The following DNAH8 variants were observed in gnomAD, a reference collection of about 807,000 sequenced individuals.
DNAH8 encodes dynein axonemal heavy chain 8, also known as axonemal beta dynein heavy chain 8.
In DNAH8, 382 loss-of-function variants were observed where a neutral mutation model predicts 562.1. That is an observed-to-expected ratio of 0.68 (90% CI 0.63 to 0.74). DNAH8 has a LOEUF of 0.74. DNAH8 is among the 30% of genes least tolerant of loss of function. The pLI, the probability that DNAH8 is intolerant of heterozygous loss-of-function variation, is 0.00. For missense variants in DNAH8, 5,203 were observed against 5,620.4 expected (o/e 0.93, Z 2.37); for synonymous variants, 1,881 against 1,919.4 (o/e 0.98, Z 0.52).
At chr6:38,867,480 C>T (rs1777128091) in intron 47 of DNAH8, among the ~76,000 whole-genome samples, 2 of 151,864 alleles carry the variant, frequency 1.3e-5, no homozygotes, top group Non-Finnish European at 2.9e-5. Context: ...TGCCGTGGCT[C>T]ACGTCTGTAA....
intron 70 of DNAH8, among the ~76,000 whole-genome samples, chr6:38,921,123 A>C (rs112026719): frequency 2.6e-5 from 4 of 152,126 alleles, no homozygotes; most frequent in African/African-American, 7.2e-5. Context: ...AACTGGGCTC[A>C]AGTGATCCTC....
chr6:38,972,905 G>A (rs1266670664), intron 83 of DNAH8, among the ~76,000 whole-genome samples: 1 of 152,134 alleles, frequency 6.6e-6, no homozygotes, highest in Admixed American at 6.5e-5. Flanking sequence ...AGTTAAGCCG[G>A]TGTGAGTTGT....
intron 92 of DNAH8, among the ~76,000 whole-genome samples, chr6:39,029,427 A>G (rs1767521586): frequency 6.6e-6 from 1 of 152,220 alleles, no homozygotes; most frequent in Non-Finnish European, 1.5e-5. Context: ...GGGCACCACC[A>G]GTAACAAGTG....
At chr6:38,771,896 G>A (rs902940030) in intron 12 of DNAH8, among the ~76,000 whole-genome samples, 2 of 152,190 alleles carry the variant, frequency 1.3e-5, no homozygotes, top group South Asian at 4.2e-4. Flanking sequence ...TTTCTCTTGG[G>A]TATATGTGCA....
intron 21 of DNAH8, among the ~76,000 whole-genome samples, chr6:38,801,056 T>C (rs1759631007): frequency 1.3e-5 from 2 of 152,198 alleles, no homozygotes; most frequent in Admixed American, 6.5e-5. Flanking sequence ...TTTGATGAAG[T>C]CTAATTTATC....
At chr6:38,807,371 A>G (rs564872706) in intron 23 of DNAH8, among the ~76,000 whole-genome samples, 2 of 152,332 alleles carry the variant, frequency 1.3e-5, no homozygotes, top group Non-Finnish European at 2.9e-5. Flanking sequence ...TGGTTTTTGA[A>G]TAAGTCCCTC....
rs142674094 is a variant in DNAH8, at chr6:38,896,054, G to T, written c.8769G>T (p.Glu2923Asp). 1.9e-6 allele frequency: 3 copies of T among 1,612,312 alleles called. No homozygotes were observed. The highest frequency in any genetic ancestry group is 1.3e-5 in the African/African-American group (1 of 74,842). Residue 2923 changes from glutamate (E) to aspartate (D), a missense_variant, in exon 60 of 93, where the codon GAG (glutamate) becomes GAT (aspartate). Coordinates refer to ENST00000327475, the MANE Select transcript of DNAH8 (RefSeq NM_001206927.2). ...IADRFITPED[E>D]QWFNAHLTRA... ...TCAGATTTATAACTCCTGAAGATGA[G>T]CAGTGGTTTAATGCACATCTTACTC...
intron 81 of DNAH8, among the ~76,000 whole-genome samples, chr6:38,950,729 G>A (rs961941235): frequency 3.3e-5 from 5 of 151,848 alleles, no homozygotes; most frequent in African/African-American, 1.2e-4. Flanking sequence ...ATGAGCCACC[G>A]TGCCTGGCCA....
At chr6:38,932,215 C>CACACACACACACACACACACACAT (rs1199457741) in intron 76 of DNAH8, among the ~76,000 whole-genome samples, 19 of 150,690 alleles carry the variant, frequency 1.3e-4, no homozygotes, top group African/African-American at 4.7e-4. Flanking sequence ...CACACACACA[C>CACACACACACACACACACACACAT]ACCCGTCTCT....
chr6:38,874,040 T>TTC (rs1554124111), intron 52 of DNAH8, among the ~76,000 whole-genome samples: 2 of 26,600 alleles, frequency 7.5e-5, no homozygotes, highest in Non-Finnish European at 1.5e-4. Context: ...TTCTTTTCTT[T>TTC]TCTTTCTTTC....
intron 91 of DNAH8, among the ~76,000 whole-genome samples, chr6:39,013,076 G>A (rs1766336891): frequency 6.6e-6 from 1 of 152,158 alleles, no homozygotes; most frequent in Non-Finnish European, 1.5e-5. Flanking sequence ...GAACTTCAGG[G>A]GGGTCTTCCC....
Position 38,823,017 on chromosome 6 carries a change from C to G in DNAH8, c.3703C>G (p.Arg1235Gly). The change falls in exon 27 of 93, where the codon CGC becomes GGC. Residue 1235 changes from arginine (R) to glycine (G), a missense_variant. Coordinates refer to ENST00000327475, the MANE Select transcript of DNAH8 (RefSeq NM_001206927.2). ...GTACAAGACTCTCTGGACAGAGGAC[C>G]GCGATGTGAAAGTGAAGGTGTCTTT... Reference protein sequence around the residue: ...QKYKTLWTEDRDVKVKEFLAN... With the variant: ...QKYKTLWTEDGDVKVKEFLAN... The G allele has an allele frequency of 6.3e-7, 1 of 1,575,404 alleles. No individual in the cohort carries two copies. The highest frequency in any genetic ancestry group is 8.6e-7 in the Non-Finnish European group (1 of 1,167,340).
At chr6:38,727,263 T>C (rs1763303223) in intron 3 of DNAH8, among the ~76,000 whole-genome samples, 1 of 152,168 alleles carries the variant, frequency 6.6e-6, no homozygotes, top group Non-Finnish European at 1.5e-5. Context: ...GATGGTTACT[T>C]TGTTTGCCTC....
In DNAH8 at chr6:38,923,240, T is replaced by TA. The variant is rs1339758998; in HGVS notation, c.10790+58dup. On this transcript the variant is annotated intron_variant, in intron 72 of 92. Transcript: ENST00000327475. The stretch of plus-strand genomic sequence containing the variant: ...TCTTTCTTTGTGACATTAGAGAACA[T>TA]AAAGTCCATTTCCATGTGTTCATCT... 3 of 1,597,282 alleles carry TA rather than the reference T, an allele frequency of 1.9e-6. No individual in the cohort carries two copies. In the Admixed American group the frequency reaches 5.2e-5, roughly 27 times the overall value.
At chr6:38,965,448 T>C (rs1303192317) in intron 82 of DNAH8, among the ~76,000 whole-genome samples, 1 of 152,232 alleles carries the variant, frequency 6.6e-6, no homozygotes, top group East Asian at 1.9e-4. Flanking sequence ...ATATTGGTGA[T>C]TTTTATTTCC....
At chr6:38,864,726 A>G (rs926454108) in intron 45 of DNAH8, among the ~76,000 whole-genome samples, 5 of 152,322 alleles carry the variant, frequency 3.3e-5, no homozygotes, top group Non-Finnish European at 4.4e-5. Flanking sequence ...CCTATCGTGT[A>G]ACTAGAAACA....
rs1766296779 is a variant in DNAH8 at position 39,012,646 on chromosome 6, T to A, written c.13714+9T>A. ...TTTCTTTAATCCCCAAGGTATGTGCTCATAGGAGATTTGGCAAGCTTGGAA... is the reference window on the plus strand; with the variant it reads ...TTTCTTTAATCCCCAAGGTATGTGCACATAGGAGATTTGGCAAGCTTGGAA... On this transcript the variant is annotated intron_variant, in intron 91 of 92. Coordinates refer to ENST00000327475, the MANE Select transcript of DNAH8 (RefSeq NM_001206927.2). The A allele has an allele frequency of 7.5e-6, 12 of 1,607,160 alleles. No individual in the cohort carries two copies. Among genetic ancestry groups the A allele is most frequent in the Non-Finnish European group, 1.0e-5 (12 of 1,173,874 alleles).
At chr6:38,805,724 A>G in intron 23 of DNAH8, 128 bp downstream of exon 23, 1 of 556,970 alleles carries the variant, frequency 1.8e-6, no homozygotes, top group South Asian at 2.2e-5. Flanking sequence ...TACAGAAAGT[A>G]TAATTTTCAA....
intron 53 of DNAH8, among the ~76,000 whole-genome samples, chr6:38,880,304 A>G (rs919331656): frequency 6.6e-6 from 1 of 152,120 alleles, no homozygotes; most frequent in Non-Finnish European, 1.5e-5. Context: ...TAAATTTAAT[A>G]AAATACGTGT....
Sources: allele counts gnomAD v4.1 joint callset (sites outside exome capture counted in the v4.1 genomes callset), GRCh38; gene constraint gnomAD v4.1.1; transcripts MANE v1.5; gene names NCBI Gene and HGNC (gene_info 2026-07-23, HGNC 2026-07-21).